ANKLE2: variants seen among roughly 807,000 people sequenced by gnomAD.
The protein encoded by ANKLE2 is ankyrin repeat and LEM domain-containing protein 2.
ANKLE2 carries 55 observed loss-of-function variants against 84.2 expected under a neutral mutation model. The observed-to-expected ratio is 0.65, with a 90% CI of 0.53 to 0.82. ANKLE2 has a LOEUF of 0.82. Ranked by LOEUF, ANKLE2 falls within the 40% of genes least tolerant of loss-of-function variation. The pLI is 0.00. For synonymous variants in ANKLE2, 551 were observed against 486.1 expected (o/e 1.13, Z -1.76); for missense variants, 1,238 against 1,201.9 (o/e 1.03, Z -0.44).
intron 1 of ANKLE2, chr12:132,758,881 ACGTGG>A (rs2044539549): frequency 6.6e-6 from 1 of 150,730 alleles, no homozygotes; most frequent in African/African-American, 2.4e-5. Context: ...AGATCCACCC[ACGTGG>A]CAGAGTGGAT....
At position 132,754,902 on chromosome 12, in the gene ANKLE2, A is replaced by C. The variant is rs779391711; in HGVS notation, c.413T>G (p.Leu138Trp). The C allele has an allele frequency of 1.9e-6, 3 of 1,614,200 alleles. No individual in the cohort carries two copies. In the East Asian group the frequency reaches 6.7e-5, roughly 36 times the overall value. The change falls in exon 2 of 13, where the codon TTG (leucine) becomes TGG (tryptophan). Residue 138 changes from leucine to tryptophan, a missense_variant. Physicochemically the swap from Leu to Trp is moderately conservative, Grantham distance 61. This residue lies in a region of ANKLE2 where 422 missense variants were observed against 394.5 expected (regional missense o/e 1.07). Coordinates refer to ENST00000357997, the MANE Select transcript of ANKLE2 (RefSeq NM_015114.3). ...AGTTGGGTTCCCTTCAGCTGGCTTC[A>C]AAATCCTTTGTGGGTCCTGGCTGAG... ...TALSQDPQRI[L>W]KPAEGNPTDQ...
chr12:132,734,548 G>A lies in ANKLE2; in HGVS notation c.1728C>T (p.Pro576=), dbSNP rs1183779831. 1.2e-6 allele frequency: 2 copies of A among 1,613,050 alleles called. No individual in the cohort carries two copies. Among genetic ancestry groups the A allele is most frequent in the African/African-American group, 2.7e-5 (2 of 74,830 alleles). The change falls in exon 10 of 13, where the codon CCC becomes CCT. Residue 576 remains proline, a synonymous_variant. Coordinates refer to ENST00000357997, the MANE Select transcript of ANKLE2 (RefSeq NM_015114.3). ...CCAGAAATTCCCAGTATTCAACCCA[G>A]GGATACCCCAGCTCATGAGCTAGCT... ...GRELAHELGY[P]WVEYWEFLGC...
At chr12:132,739,499 T>C (rs924026544) in intron 7 of ANKLE2, among the ~76,000 whole-genome samples, 3 of 152,152 alleles carry the variant, frequency 2.0e-5, no homozygotes, top group Non-Finnish European at 4.4e-5. Context: ...CAGTATAGGG[T>C]GCATGGTAGG....
At chr12:132,738,511 T>C (rs1339262566) in intron 7 of ANKLE2, 3 of 150,526 alleles carry the variant, frequency 2.0e-5, no homozygotes, top group Non-Finnish European at 3.0e-5. Flanking sequence ...TGTTAAAGGC[T>C]TATCATAGTT....
chr12:132,728,202 A>G (rs1593130593), intron 11 of ANKLE2, 39 bp from the exon 12 acceptor site: 1 of 1,603,380 alleles, frequency 6.2e-7, no homozygotes, highest in East Asian at 2.2e-5. Context: ...CATCTTTGGT[A>G]AAAACATAAA....
At position 132,747,983 on chromosome 12, in the gene ANKLE2, T is replaced by C. The variant is rs958839357; in HGVS notation, c.1079A>G (p.Lys360Arg). The C allele has an allele frequency of 5.6e-6, 9 of 1,597,366 alleles. No individual in the cohort carries two copies. The Admixed American group carries it at 5.6e-5, about 10-fold the overall frequency. ...CTGGCAGATGGAAGCCTGGTTCTCT[T>C]TGGCAGCAACATGCATCACGTTGTA... The part of the protein sequence containing the change: ...CRYNVMHVAA[K>R]ENQASICQLT... The change falls in exon 5 of 13, where the codon AAA becomes AGA. Residue 360 changes from lysine to arginine, a missense_variant. Lys to Arg is a conservative substitution (Grantham distance 26). Coordinates refer to ENST00000357997, the MANE Select transcript of ANKLE2 (RefSeq NM_015114.3).
At chr12:132,750,889 G>A in intron 2 of ANKLE2, 40 bp from the exon 3 acceptor site, 1 of 1,577,900 alleles carries the variant, frequency 6.3e-7, no homozygotes, top group Non-Finnish European at 8.7e-7. Flanking sequence ...AGAGAAGAGT[G>A]ACTGGAGAGC....
At chr12:132,740,268 G>T (rs563153012) in intron 7 of ANKLE2, among the ~76,000 whole-genome samples, 1 of 152,304 alleles carries the variant, frequency 6.6e-6, no homozygotes, top group Non-Finnish European at 1.5e-5. Context: ...ACACACTGAA[G>T]AAGTGTAATT....
chr12:132,741,314 C>G, intron 7 of ANKLE2, 105 bp downstream of exon 7: 1 of 1,131,410 alleles, frequency 8.8e-7, no homozygotes, highest in South Asian at 1.4e-5. Flanking sequence ...GGAGCCGGCA[C>G]ACGCCCGGGG....
intron 1 of ANKLE2, chr12:132,759,521 G>GTGCTATATGA (rs2044571893): frequency 7.1e-6 from 1 of 140,310 alleles, no homozygotes; most frequent in African/African-American, 3.3e-5. Context: ...CTATATATAT[G>GTGCTATATGA]TATACTATAT....
Position 132,741,413 on chromosome 12 carries a change from T to C in ANKLE2, c.1420+6A>G. The stretch of plus-strand genomic sequence containing the variant: ...CCACGATCCAGGCACCAACTCCCCA[T>C]CTTACCCTTTAAATACTCTCTGATC... On this transcript the variant is annotated splice_donor_region_variant and intron_variant, in intron 7 of 12. Coordinates refer to ENST00000357997, the MANE Select transcript of ANKLE2 (RefSeq NM_015114.3). 2 of 1,613,954 alleles carry C rather than the reference T, an allele frequency of 1.2e-6. No homozygotes were observed. Among genetic ancestry groups the C allele is most frequent in the Non-Finnish European group, 1.7e-6 (2 of 1,179,992 alleles).
intron 2 of ANKLE2, among the ~76,000 whole-genome samples, chr12:132,752,665 G>A (rs1231444047): frequency 4.6e-5 from 7 of 151,984 alleles, no homozygotes; most frequent in African/African-American, 9.6e-5. Flanking sequence ...CACCGCGCCC[G>A]GCCCCTACGT....
intron 5 of ANKLE2, 53 bp downstream of exon 5, chr12:132,747,779 A>C: frequency 6.4e-7 from 1 of 1,561,076 alleles, no homozygotes; most frequent in Non-Finnish European, 8.6e-7. Context: ...CTTTTGGGGA[A>C]AGACTTTTAA....
At chr12:132,750,918 T>G in intron 2 of ANKLE2, 69 bp from the exon 3 acceptor site, 1 of 1,399,386 alleles carries the variant, frequency 7.1e-7, no homozygotes, top group South Asian at 1.2e-5. Flanking sequence ...GGCCATGCCC[T>G]GGGCCTAACC....
In ANKLE2 at chr12:132,726,519, G is replaced by C. The variant is rs1274582322; in HGVS notation, c.*723C>G. 1 of 152,200 alleles carries C rather than the reference G, an allele frequency of 6.6e-6. No homozygotes were observed. Among genetic ancestry groups the C allele is most frequent in the Non-Finnish European group, 1.5e-5 (1 of 68,062 alleles). The allele number at this position is 152,200 out of a possible 1,614,324, so 9.4% of individuals were successfully genotyped here. A position where few individuals can be genotyped will look rare whatever the true frequency, so the allele number is the denominator to read the frequency against. The stretch of plus-strand genomic sequence containing the variant: ...GAAGGCTCACGTGCTGAGGAAACAG[G>C]GAACACCTTGGCGCCGCTGCTGAGC... On this transcript the variant is annotated 3_prime_UTR_variant, in exon 13 of 13. Coordinates refer to ENST00000357997, the MANE Select transcript of ANKLE2 (RefSeq NM_015114.3).
chr12:132,738,917 T>G (rs1233044953), intron 7 of ANKLE2: 1 of 152,196 alleles, frequency 6.6e-6, no homozygotes, highest in African/African-American at 2.4e-5. Context: ...ATGTGGTACA[T>G]ATATACCACA....
In ANKLE2 at chr12:132,730,029, C is replaced by G. The variant is rs1460596237; in HGVS notation, c.2133G>C (p.Leu711=). 6.2e-7 allele frequency: 1 copy of G among 1,613,154 alleles called. No individual in the cohort carries two copies. Among genetic ancestry groups the G allele is most frequent in the Non-Finnish European group, 8.5e-7 (1 of 1,179,914 alleles). ...LCHPLNHSRT[L]AGKRPKAPRG... is the part of the protein sequence containing the mutation. Reference sequence around the variant, plus strand: ...GGGGGGCCTTTGGTCTCTTGCCCGCCAGGGTCCTGCTGTGATTCAGAGGAT... The same window carrying G: ...GGGGGGCCTTTGGTCTCTTGCCCGCGAGGGTCCTGCTGTGATTCAGAGGAT... The change falls in exon 11 of 13, where the codon CTG becomes CTC. Residue 711 remains leucine, a synonymous_variant. Transcript: ENST00000357997.
intron 9 of ANKLE2, 173 bp from the exon 10 acceptor site, chr12:132,734,748 G>A: frequency 1.6e-6 from 1 of 640,750 alleles, no homozygotes; most frequent in Non-Finnish European, 2.6e-6. Flanking sequence ...TTCTGAAACA[G>A]CACGCCTCCT....
chr12:132,730,473 G>A (rs1260886191), intron 10 of ANKLE2: 2 of 556,476 alleles, frequency 3.6e-6, no homozygotes, highest in African/African-American at 3.7e-5. Flanking sequence ...ATTTCAGGAT[G>A]GAAAACCACC....
Sources: allele counts gnomAD v4.1 joint callset (sites outside exome capture counted in the v4.1 genomes callset), GRCh38; gene constraint gnomAD v4.1.1; regional missense constraint gnomAD v4.1.1; transcripts MANE v1.5; gene names NCBI Gene and HGNC (gene_info 2026-07-23, HGNC 2026-07-21).